The following SLC24A2 variants were observed in gnomAD, a reference collection of about 807,000 sequenced individuals.
The protein encoded by SLC24A2 is sodium/potassium/calcium exchanger 2.
A neutral mutation model predicts 62.0 loss-of-function variants in SLC24A2; 36 were observed. That is an observed-to-expected ratio of 0.58 (90% CI 0.44 to 0.77). The LOEUF (loss-of-function observed/expected upper bound fraction) is 0.77, where lower values mean the gene tolerates loss of function less well. SLC24A2 is among the 30% of genes least tolerant of loss of function. SLC24A2 has a pLI of 0.00. For missense variants in SLC24A2, 846 were observed against 817.9 expected (o/e 1.03, Z -0.42); for synonymous variants, 358 against 294.0 (o/e 1.22, Z -2.23).
chr9:19,605,927 C>T (rs550797639), intron 4 of SLC24A2, among the ~76,000 whole-genome samples: 1 of 152,364 alleles, frequency 6.6e-6, no homozygotes, highest in African/African-American at 2.4e-5. Flanking sequence ...TGGCTGGCTC[C>T]TCATTGTGTC....
intron 10 of SLC24A2, among the ~76,000 whole-genome samples, chr9:19,519,905 C>T (rs1429567167): frequency 1.3e-5 from 2 of 152,194 alleles, no homozygotes; most frequent in South Asian, 2.1e-4. Flanking sequence ...ATTGATAGCA[C>T]AGACTCTTTG....
At chr9:19,833,080 G>C in the SLC24A2 span, among the ~76,000 whole-genome samples, 3 of 152,120 alleles carry the variant, frequency 2.0e-5, no homozygotes, top group Non-Finnish European at 4.4e-5. Context: ...TCATTAAAAA[G>C]TTAGGAAACG....
intron 7 of SLC24A2, among the ~76,000 whole-genome samples, chr9:19,554,678 T>C (rs1834995768): frequency 6.6e-6 from 1 of 152,222 alleles, no homozygotes; most frequent in South Asian, 2.1e-4. Flanking sequence ...TTCCTGGATC[T>C]ATCTTTAAAG....
chr9:19,523,925 T>C (rs1185655728), intron 9 of SLC24A2, among the ~76,000 whole-genome samples: 2 of 152,104 alleles, frequency 1.3e-5, no homozygotes, highest in Admixed American at 1.3e-4. Flanking sequence ...CTGGTGAATC[T>C]GTGTGGCTCT....
At chr9:19,630,422 T>A (rs1356622700) in intron 2 of SLC24A2, among the ~76,000 whole-genome samples, 1 of 152,136 alleles carries the variant, frequency 6.6e-6, no homozygotes, top group Non-Finnish European at 1.5e-5. Flanking sequence ...ATCTTTTATT[T>A]TAAAAAAGAT....
the SLC24A2 span, among the ~76,000 whole-genome samples, chr9:20,123,519 G>A: frequency 4.6e-5 from 7 of 152,096 alleles, no homozygotes; most frequent in Non-Finnish European, 7.4e-5. Flanking sequence ...TCAAAATCAG[G>A]CAGATCTAGC....
intron 2 of SLC24A2, among the ~76,000 whole-genome samples, chr9:19,661,631 G>A (rs573235657): frequency 6.6e-6 from 1 of 152,144 alleles, no homozygotes; most frequent in African/African-American, 2.4e-5. Flanking sequence ...AAGTCATTGG[G>A]TTAAGGAAGT....
the SLC24A2 span, among the ~76,000 whole-genome samples, chr9:20,022,058 A>G: frequency 1.3e-5 from 2 of 152,196 alleles, no homozygotes; most frequent in African/African-American, 4.8e-5. Context: ...TGCCTAAACC[A>G]GATACATTTT....
chr9:19,823,046 A>G, the SLC24A2 span, among the ~76,000 whole-genome samples: 2 of 152,028 alleles, frequency 1.3e-5, no homozygotes, highest in African/African-American at 4.8e-5. Context: ...CCCCAGTAAA[A>G]TCTTTTCCAA....
chr9:19,594,392 A>AATC (rs1187129875), intron 5 of SLC24A2, among the ~76,000 whole-genome samples: 1 of 152,204 alleles, frequency 6.6e-6, no homozygotes, highest in East Asian at 1.9e-4. Flanking sequence ...TATATTTAGA[A>AATC]ATCATCTTTC....
At chr9:19,577,048 G>T (rs371209069) in intron 5 of SLC24A2, 26 bp from the exon 6 acceptor site, 4 of 1,582,916 alleles carry the variant, frequency 2.5e-6, no homozygotes, top group Non-Finnish European at 3.5e-6. Flanking sequence ...GTGGCAGGAA[G>T]GAGACACAAT....
the SLC24A2 span, among the ~76,000 whole-genome samples, chr9:19,945,695 A>C: frequency 2.6e-5 from 4 of 152,120 alleles, no homozygotes; most frequent in African/African-American, 7.2e-5. Context: ...AGAATTGGAG[A>C]CTCAAGGATC....
At position 19,513,509 on chromosome 9, in the gene SLC24A2, T is replaced by A. The variant is rs1232251217; in HGVS notation, c.*2644A>T. On this transcript the variant is annotated 3_prime_UTR_variant, in exon 11 of 11. Coordinates refer to ENST00000341998, the MANE Select transcript of SLC24A2 (RefSeq NM_020344.4). ...GGAACGGGGCTTGGAAATTTTGTCTTCTCAAATGCAACTTCACATGAAAGA... is the reference window on the plus strand; with the variant it reads ...GGAACGGGGCTTGGAAATTTTGTCTACTCAAATGCAACTTCACATGAAAGA... 2 of 152,024 alleles carry A rather than the reference T, an allele frequency of 1.3e-5. No individual in the cohort carries two copies. The highest frequency in any genetic ancestry group is 2.9e-5 in the Non-Finnish European group (2 of 68,060). The allele number at this position is 152,024 out of a possible 1,614,324, so 9.4% of individuals were successfully genotyped here.
the SLC24A2 span, among the ~76,000 whole-genome samples, chr9:19,986,738 T>A: frequency 1.1e-4 from 17 of 152,028 alleles, 1 homozygote; most frequent in African/African-American, 4.1e-4. Flanking sequence ...ATCTTGTAAA[T>A]CTATAGAGAC....
At chr9:19,847,310 G>A in the SLC24A2 span, among the ~76,000 whole-genome samples, 1 of 151,934 alleles carries the variant, frequency 6.6e-6, no homozygotes, top group African/African-American at 2.4e-5. Flanking sequence ...ATTTTATGTT[G>A]GGAAAAAATT....
chr9:19,553,360 C>T (rs1834934085), intron 7 of SLC24A2, among the ~76,000 whole-genome samples: 1 of 152,152 alleles, frequency 6.6e-6, no homozygotes, highest in South Asian at 2.1e-4. Context: ...TCACCCTTAC[C>T]TCCTAAAATT....
intron 2 of SLC24A2, among the ~76,000 whole-genome samples, chr9:19,623,398 C>A (rs1400254465): frequency 6.6e-6 from 1 of 152,120 alleles, no homozygotes; most frequent in Non-Finnish European, 1.5e-5. Flanking sequence ...AGTTTTAAAA[C>A]CTTCATGTGC....
At chr9:20,282,976 G>A in the SLC24A2 span, among the ~76,000 whole-genome samples, 1 of 152,096 alleles carries the variant, frequency 6.6e-6, no homozygotes, top group Non-Finnish European at 1.5e-5. Flanking sequence ...CTGAGTCAAA[G>A]GGATAGAAAC....
the SLC24A2 span, among the ~76,000 whole-genome samples, chr9:20,118,600 T>C: frequency 6.6e-6 from 1 of 152,224 alleles, no homozygotes; most frequent in Admixed American, 6.6e-5. Flanking sequence ...TAGGTATTTA[T>C]ATCTACAATT....
Sources: allele counts gnomAD v4.1 joint callset (sites outside exome capture counted in the v4.1 genomes callset), GRCh38; gene constraint gnomAD v4.1.1; transcripts MANE v1.5; gene names NCBI Gene and HGNC (gene_info 2026-07-23, HGNC 2026-07-21).